Variants in KANK1 observed in about 807,000 individuals in gnomAD.
KANK1 encodes the protein KN motif and ankyrin repeat domain-containing protein 1.
In KANK1, 109 loss-of-function variants were observed where a neutral mutation model predicts 106.2. The ratio of observed to expected loss-of-function variants is 1.03; its 90% CI spans 0.88 to 1.20. The LOEUF is 1.20. KANK1 is among the 50% of genes most tolerant of loss of function. The pLI, the probability that KANK1 is intolerant of heterozygous loss-of-function variation, is 0.00. For synonymous variants in KANK1, 873 were observed against 652.2 expected (o/e 1.34, Z -5.16); for missense variants, 2,399 against 1,710.7 (o/e 1.40, Z -7.10).
At chr9:573,700 G>A (rs1819805588) in intron 1 of KANK1, among the ~76,000 whole-genome samples, 1 of 152,074 alleles carries the variant, frequency 6.6e-6, no homozygotes, top group African/African-American at 2.4e-5. Flanking sequence ...AATGGTTGAC[G>A]TTTTCTAGCT....
chr9:475,596 C>A (rs538253813), intron 3 of KANK1, among the ~76,000 whole-genome samples: 28 of 152,290 alleles, frequency 1.8e-4, no homozygotes, highest in African/African-American at 6.5e-4. Flanking sequence ...ACCAAAAATT[C>A]TCATCAGATG....
intron 1 of KANK1, among the ~76,000 whole-genome samples, chr9:632,851 G>A (rs937533401): frequency 4.6e-5 from 7 of 151,976 alleles, no homozygotes; most frequent in South Asian, 2.1e-4. Context: ...CACCGCACCC[G>A]GCTAATTTTT....
chr9:617,298 C>G (rs1369287323), intron 1 of KANK1, among the ~76,000 whole-genome samples: 3 of 151,978 alleles, frequency 2.0e-5, no homozygotes, highest in African/African-American at 7.3e-5. Flanking sequence ...ATTTATTTTT[C>G]AAAACCAGAC....
At chr9:721,061 G>A (rs1226684307) in intron 3 of KANK1, among the ~76,000 whole-genome samples, 2 of 152,168 alleles carry the variant, frequency 1.3e-5, no homozygotes, top group African/African-American at 2.4e-5. Flanking sequence ...TGAAAATACT[G>A]ATGCCTGCAA....
At chr9:514,852 G>A (rs58370292) in intron 1 of KANK1, among the ~76,000 whole-genome samples, 20,091 of 151,412 alleles carry the variant, frequency 0.13, 2,571 homozygotes, top group African/African-American at 0.31. Flanking sequence ...AGTAGGTACC[G>A]TCAGAGTGGT....
intron 3 of KANK1, among the ~76,000 whole-genome samples, chr9:474,182 C>T (rs2058066855): frequency 1.3e-5 from 2 of 152,296 alleles, no homozygotes; most frequent in South Asian, 4.1e-4. Flanking sequence ...TCTGTCTGCC[C>T]ATGGTGATGA....
At chr9:556,355 G>T (rs951262768) in intron 1 of KANK1, among the ~76,000 whole-genome samples, 6 of 152,206 alleles carry the variant, frequency 3.9e-5, no homozygotes, top group African/African-American at 1.4e-4. Flanking sequence ...TCCCAGGGAA[G>T]ACTTAGGGAA....
At chr9:610,214 T>A (rs1830248165) in intron 1 of KANK1, among the ~76,000 whole-genome samples, 1 of 152,038 alleles carries the variant, frequency 6.6e-6, no homozygotes, top group Non-Finnish European at 1.5e-5. Context: ...TTAATTTGGT[T>A]GAACACTTAC....
At chr9:728,320 C>G (rs1831291372) in intron 3 of KANK1, among the ~76,000 whole-genome samples, 1 of 152,150 alleles carries the variant, frequency 6.6e-6, no homozygotes, top group South Asian at 2.1e-4. Context: ...GCCTCAGCCT[C>G]CCAAGTAGCT....
rs182178609 is a variant in KANK1 at position 663,197 on chromosome 9, A to C, written c.-83-13693A>C. Among the ~76,000 whole-genome samples, 932 of 147,410 alleles carry C rather than the reference A, an allele frequency of 6.3e-3. 10 individuals carry two copies. Among genetic ancestry groups the C allele is most frequent in the African/African-American group, 0.022 (879 of 39,960 alleles). On this transcript the variant is annotated intron_variant, in intron 1 of 11. Coordinates refer to ENST00000382297, the MANE Select transcript of KANK1 (RefSeq NM_015158.5). ...AGAACTGTACATTTAAAATAAATAA[A>C]TGAACAGAAAGCCTTTCAAATCGTA... is the stretch of plus-strand genomic sequence containing the variant.
intron 1 of KANK1, among the ~76,000 whole-genome samples, chr9:528,325 T>C (rs1464912893): frequency 2.0e-5 from 3 of 152,008 alleles, no homozygotes; most frequent in Non-Finnish European, 4.4e-5. Context: ...ATTTGCATTT[T>C]CTAATGTTGG....
rs184348345 is a variant in KANK1 at position 596,559 on chromosome 9, A to G, written c.-83-80331A>G. Among the ~76,000 whole-genome samples the G allele has an allele frequency of 2.3e-3, 350 of 151,794 alleles. 2 individuals carry two copies. Among genetic ancestry groups the G allele is most frequent in the Non-Finnish European group, 3.7e-3 (250 of 68,022 alleles). ...GAGTAGGTTTCCTTTTCCCCTGGCA[A>G]TAGCTCTTAGAGTGTTTCACAGAGA... On this transcript the variant is annotated intron_variant, in intron 1 of 11. Transcript: ENST00000382297.
At chr9:610,684 A>G (rs1830352536) in intron 1 of KANK1, among the ~76,000 whole-genome samples, 1 of 152,218 alleles carries the variant, frequency 6.6e-6, no homozygotes, top group Non-Finnish European at 1.5e-5. Context: ...CTTGTAGATA[A>G]GAGAAGAATT....
rs776828018 is a variant in KANK1, at chr9:527,341, G to A, written c.-84+22587G>A. 3.3e-5 allele frequency among the ~76,000 whole-genome samples: 5 copies of A among 151,562 alleles called. 1 individual carries two copies. Among genetic ancestry groups the A allele is most frequent in the African/African-American group, 9.8e-5 (4 of 40,984 alleles). ...TTTGAAATGGAGTTTCACTCTTGTC[G>A]CCCTGGCTGGAGTGCAGTGGCGCGA... On this transcript the variant is annotated intron_variant, in intron 1 of 11. Coordinates refer to ENST00000382297, the MANE Select transcript of KANK1 (RefSeq NM_015158.5).
intron 1 of KANK1, among the ~76,000 whole-genome samples, chr9:577,359 CCTT>C (rs1175186302): frequency 3.3e-5 from 5 of 152,058 alleles, no homozygotes; most frequent in Admixed American, 6.5e-5. Context: ...CATTTACAAA[CCTT>C]TAGCTAGACA....
intron 4 of KANK1, chr9:730,934 G>A: frequency 5.7e-6 from 2 of 350,132 alleles, no homozygotes; most frequent in Admixed American, 4.6e-5. Flanking sequence ...GTTATGTCTG[G>A]AAGGACTAAT....
chr9:659,501 T>C (rs1237012145), intron 1 of KANK1, among the ~76,000 whole-genome samples: 1 of 152,132 alleles, frequency 6.6e-6, no homozygotes, highest in East Asian at 1.9e-4. Flanking sequence ...GGAACCCACT[T>C]TGAGAACTGT....
chr9:744,700 G>T, intron 11 of KANK1, 111 bp downstream of exon 11: 3 of 1,591,884 alleles, frequency 1.9e-6, no homozygotes, highest in Non-Finnish European at 2.6e-6. Context: ...TCAGAAAATG[G>T]AAGTTTTAGT....
intron 1 of KANK1, among the ~76,000 whole-genome samples, chr9:663,208 G>A (rs1843762870): frequency 9.2e-6 from 1 of 108,258 alleles, no homozygotes; most frequent in Non-Finnish European, 2.1e-5. Flanking sequence ...TGAACAGAAA[G>A]CCTTTCAAAT....
Sources: gnomAD v4.1 joint callset for allele counts (sites outside exome capture counted in the v4.1 genomes callset) on GRCh38, gnomAD v4.1.1 for gene constraint, MANE v1.5 for transcripts, NCBI Gene and HGNC (gene_info 2026-07-23, HGNC 2026-07-21) for gene names.